ZNF385D: variants seen among roughly 807,000 people sequenced by gnomAD.
ZNF385D encodes zinc finger protein 659.
Under a neutral mutation model 35.8 loss-of-function variants are expected in ZNF385D, and 15 were observed. That is an observed-to-expected ratio of 0.42 (90% confidence interval 0.28 to 0.64). The LOEUF (loss-of-function observed/expected upper bound fraction) is 0.64, where lower values mean the gene tolerates loss of function less well. Among genes scored for constraint, ZNF385D ranks in the 30% least tolerant of loss-of-function variants. The pLI, the probability that ZNF385D is intolerant of heterozygous loss-of-function variation, is 0.23. For synonymous variants in ZNF385D, 212 were observed against 186.8 expected (o/e 1.13, Z -1.10); for missense variants, 474 against 494.6 (o/e 0.96, Z 0.39).
chr3:22,033,836 T>G (rs1698155719), intron 3 of ZNF385D, among the ~76,000 whole-genome samples: 1 of 152,206 alleles, frequency 6.6e-6, no homozygotes, highest in Admixed American at 6.5e-5. Flanking sequence ...CCAAGCACTA[T>G]GACTAAAAAT....
At chr3:22,258,776 A>G (rs1008592103) in intron 2 of ZNF385D, among the ~76,000 whole-genome samples, 1 of 151,840 alleles carries the variant, frequency 6.6e-6, no homozygotes, top group Non-Finnish European at 1.5e-5. Context: ...TTTGCATGTT[A>G]AAATAACATG....
At chr3:22,066,645 G>T (rs1699979063) in intron 3 of ZNF385D, among the ~76,000 whole-genome samples, 1 of 151,134 alleles carries the variant, frequency 6.6e-6, no homozygotes, top group South Asian at 2.1e-4. Flanking sequence ...ATAAGATCAG[G>T]GCAGCTTTGG....
chr3:21,434,270 C>G (rs1379723107), intron 5 of ZNF385D, among the ~76,000 whole-genome samples: 1 of 152,072 alleles, frequency 6.6e-6, no homozygotes, highest in African/African-American at 2.4e-5. Flanking sequence ...TTACCCACTC[C>G]CTTAACCTCC....
intron 3 of ZNF385D, among the ~76,000 whole-genome samples, chr3:21,857,558 A>T (rs1442324436): frequency 3.3e-5 from 5 of 151,974 alleles, no homozygotes; most frequent in Non-Finnish European, 7.4e-5. Flanking sequence ...CTGAGGCCCA[A>T]AGAGGAAGTC....
At chr3:21,840,878 G>T (rs1297949172) in intron 3 of ZNF385D, among the ~76,000 whole-genome samples, 2 of 151,992 alleles carry the variant, frequency 1.3e-5, no homozygotes, top group African/African-American at 4.8e-5. Flanking sequence ...CAAAGAGTTT[G>T]CTGTCTAAAA....
chr3:21,521,126 C>G (rs1417085609), intron 3 of ZNF385D, among the ~76,000 whole-genome samples: 2 of 152,174 alleles, frequency 1.3e-5, no homozygotes, highest in Admixed American at 6.5e-5. Context: ...CCCCAGAGAT[C>G]ATTTCTAAAA....
intron 3 of ZNF385D, among the ~76,000 whole-genome samples, chr3:21,525,489 A>G (rs1388213155): frequency 6.6e-6 from 1 of 151,976 alleles, no homozygotes; most frequent in Non-Finnish European, 1.5e-5. Context: ...GGAGTTCGAG[A>G]CCAGCCTCAA....
chr3:21,503,284 A>T (rs1559354196), intron 4 of ZNF385D, among the ~76,000 whole-genome samples: 1 of 152,182 alleles, frequency 6.6e-6, no homozygotes, highest in Admixed American at 6.5e-5. Flanking sequence ...AATATATCCT[A>T]TATACAAACA....
intron 3 of ZNF385D, among the ~76,000 whole-genome samples, chr3:22,032,329 G>C (rs1347458200): frequency 1.3e-5 from 2 of 152,176 alleles, no homozygotes; most frequent in African/African-American, 4.8e-5. Context: ...CAAAGGAAAA[G>C]CAAGTACTTC....
intron 3 of ZNF385D, among the ~76,000 whole-genome samples, chr3:21,868,865 T>C (rs1697529868): frequency 6.6e-6 from 1 of 152,122 alleles, no homozygotes; most frequent in South Asian, 2.1e-4. Context: ...GTTATCCATC[T>C]GTTACATGGA....
chr3:21,928,296 G>A (rs1024968747), intron 3 of ZNF385D, among the ~76,000 whole-genome samples: 7 of 147,368 alleles, frequency 4.8e-5, no homozygotes, highest in African/African-American at 1.8e-4. Flanking sequence ...GAAGGAAGGA[G>A]GGAGGAAGGA....
intron 3 of ZNF385D, among the ~76,000 whole-genome samples, chr3:21,974,855 C>T (rs1703493068): frequency 6.6e-6 from 1 of 152,076 alleles, no homozygotes; most frequent in Non-Finnish European, 1.5e-5. Context: ...ATGCAAATCC[C>T]ACCTACACTG....
Position 22,358,448 on chromosome 3 carries a change from T to A in ZNF385D, c.106+14002A>T, listed in dbSNP as rs556651593. Among the ~76,000 whole-genome samples, 20 of 151,926 alleles carry A rather than the reference T, an allele frequency of 1.3e-4. 1 individual carries two copies. The South Asian group carries it at 3.9e-3, about 30-fold the overall frequency. ...TGCATTCTGCATTCAAGTAGCAGCT[T>A]GAAGAAAGTTATTCTATATAGAGGA... On this transcript the variant is annotated intron_variant, in intron 2 of 5. Coordinates refer to the ZNF385D transcript ENST00000494108.
intron 3 of ZNF385D, among the ~76,000 whole-genome samples, chr3:21,991,757 C>G (rs189493213): frequency 6.6e-6 from 1 of 152,290 alleles, no homozygotes; most frequent in East Asian, 1.9e-4. Flanking sequence ...AAATGTCCAT[C>G]CTCTTCACTG....
chr3:21,738,585 C>T lies in ZNF385D; in HGVS notation c.22+12310G>A, dbSNP rs116580339. Among the ~76,000 whole-genome samples, 621 of 152,214 alleles carry T rather than the reference C, an allele frequency of 4.1e-3. 7 individuals carry two copies. Among genetic ancestry groups the T allele is most frequent in the African/African-American group, 0.014 (598 of 41,530 alleles). Reference sequence around the variant, plus strand: ...GAAGCTGAGGCTCAGGACAATTCACCCAAATTCACATCCCTATCTCAGGAC... The same window carrying T: ...GAAGCTGAGGCTCAGGACAATTCACTCAAATTCACATCCCTATCTCAGGAC... On this transcript the variant is annotated intron_variant, in intron 1 of 7. Coordinates refer to ENST00000281523, the MANE Select transcript of ZNF385D (RefSeq NM_024697.3).
intron 3 of ZNF385D, among the ~76,000 whole-genome samples, chr3:21,513,700 T>C (rs1707375443): frequency 6.6e-6 from 1 of 152,100 alleles, no homozygotes; most frequent in Admixed American, 6.6e-5. Flanking sequence ...GGCATACAAG[T>C]TGGAAGGCTA....
intron 1 of ZNF385D, among the ~76,000 whole-genome samples, chr3:21,688,216 G>A (rs756338151): frequency 7.9e-5 from 12 of 151,912 alleles, no homozygotes; most frequent in African/African-American, 1.2e-4. Context: ...GCTTGAAACC[G>A]CCTTTGTTCT....
intron 1 of ZNF385D, among the ~76,000 whole-genome samples, chr3:21,743,344 C>G (rs2069611568): frequency 6.6e-6 from 1 of 152,176 alleles, no homozygotes; most frequent in African/African-American, 2.4e-5. Flanking sequence ...GCTTTACTAT[C>G]TACACTAAAT....
At chr3:21,583,115 G>A (rs953377920) in intron 2 of ZNF385D, among the ~76,000 whole-genome samples, 2 of 151,906 alleles carry the variant, frequency 1.3e-5, no homozygotes, top group East Asian at 1.9e-4. Flanking sequence ...ACAATTTTTC[G>A]AAAAACACAA....
Sources: allele counts gnomAD v4.1 joint callset (sites outside exome capture counted in the v4.1 genomes callset), GRCh38; gene constraint gnomAD v4.1.1; transcripts MANE v1.5; gene names NCBI Gene and HGNC (gene_info 2026-07-23, HGNC 2026-07-21).